RLF: variants seen among roughly 807,000 people sequenced by gnomAD.
The protein encoded by RLF is zinc finger protein Rlf.
Under a neutral mutation model 162.9 loss-of-function variants are expected in RLF, and 7 were observed. The observed-to-expected ratio is 0.04, with a 90% confidence interval of 0.02 to 0.08. The LOEUF (loss-of-function observed/expected upper bound fraction) is 0.08. Among genes scored for constraint, RLF ranks in the 10% least tolerant of loss-of-function variants. The probability of loss-of-function intolerance (pLI) is 1.00; values close to 1 mark genes in which losing one functional copy is unlikely to be tolerated. For synonymous variants in RLF, 782 were observed against 791.5 expected (o/e 0.99, Z 0.20); for missense variants, 1,664 against 2,244.7 (o/e 0.74, Z 5.23).
At chr1:40,166,099 A>G (rs1031763058) in intron 1 of RLF, among the ~76,000 whole-genome samples, 8 of 152,216 alleles carry the variant, frequency 5.3e-5, no homozygotes, top group African/African-American at 1.4e-4. Flanking sequence ...TGGTGCCTAC[A>G]TAATTTGTTT....
chr1:40,206,737 C>T (rs1259542312), intron 5 of RLF, among the ~76,000 whole-genome samples: 2 of 152,182 alleles, frequency 1.3e-5, no homozygotes, highest in African/African-American at 4.8e-5. Flanking sequence ...TCTCCAGCCG[C>T]CTTGTCTTTG....
intron 2 of RLF, 138 bp downstream of exon 2, chr1:40,189,347 T>C (rs1642526457): frequency 3.0e-6 from 2 of 661,688 alleles, no homozygotes; most frequent in Admixed American, 6.3e-5. Context: ...ATTTCCTTCC[T>C]ACTCACGTTC....
intron 4 of RLF, among the ~76,000 whole-genome samples, chr1:40,196,377 A>G (rs886335865): frequency 3.3e-5 from 5 of 151,860 alleles, no homozygotes; most frequent in African/African-American, 1.2e-4. Flanking sequence ...CGGTCTGCTT[A>G]TACCTTTTTT....
In RLF at chr1:40,238,008, C is replaced by T. The variant is rs1222157178; in HGVS notation, c.3306C>T (p.Ile1102=). ...GAKSLQSVSS[I]SDLNFQNQDE... is the part of the protein sequence containing the mutation. ...AGTCTCTTCAGTCAGTTTCATCTATCTCAGACCTTAATTTTCAGAATCAAG... is the reference window on the plus strand; with the variant it reads ...AGTCTCTTCAGTCAGTTTCATCTATTTCAGACCTTAATTTTCAGAATCAAG... The change falls in exon 8 of 8, where the codon ATC becomes ATT. Residue 1102 remains isoleucine, a synonymous_variant. Transcript: ENST00000372771. The surrounding 1 kb of genome is among the most constrained non-coding windows in gnomAD (Gnocchi z 5.2). 2 of 1,614,024 alleles carry T rather than the reference C, an allele frequency of 1.2e-6. No homozygotes were observed. The highest frequency in any genetic ancestry group is 2.7e-5 in the African/African-American group (2 of 74,928).
chr1:40,237,634 G>T lies in RLF; in HGVS notation c.2932G>T (p.Val978Phe). 6.2e-7 allele frequency: 1 copy of T among 1,614,094 alleles called. No individual in the cohort carries two copies. Among genetic ancestry groups the T allele is most frequent in the Non-Finnish European group, 8.5e-7 (1 of 1,179,984 alleles). ...AGGAATGCAGAAACATTTACGGAAGGTTCATCCATACCATTTCAAGCCCAA... is the reference window on the plus strand; with the variant it reads ...AGGAATGCAGAAACATTTACGGAAGTTTCATCCATACCATTTCAAGCCCAA... ...ARGMQKHLRK[V>F]HPYHFKPKKI... is the part of the protein sequence containing the mutation. Residue 978 changes from valine (V) to phenylalanine (F), a missense_variant, in exon 8 of 8, where the codon GTT becomes TTT. Transcript: ENST00000372771. This position sits in a 1 kb window ranked among gnomAD's most constrained non-coding sequence, Gnocchi z 4.4.
chr1:40,225,369 A>G (rs959739859), intron 6 of RLF, among the ~76,000 whole-genome samples: 2 of 151,940 alleles, frequency 1.3e-5, no homozygotes, highest in Non-Finnish European at 2.9e-5. Context: ...ATTTGAGGTC[A>G]GGAGTTCGAG....
intron 1 of RLF, among the ~76,000 whole-genome samples, chr1:40,182,044 G>T (rs978282498): frequency 6.6e-6 from 1 of 152,096 alleles, no homozygotes; most frequent in African/African-American, 2.4e-5. Context: ...ACAAAGTTGT[G>T]CAGCCATAAA....
At chr1:40,183,456 T>C (rs1165499547) in intron 1 of RLF, among the ~76,000 whole-genome samples, 1 of 152,122 alleles carries the variant, frequency 6.6e-6, no homozygotes, top group Non-Finnish European at 1.5e-5. Flanking sequence ...TTGAAAACAT[T>C]CCCCAGAAGC....
chr1:40,173,575 A>G (rs556474891), intron 1 of RLF, among the ~76,000 whole-genome samples: 2 of 149,312 alleles, frequency 1.3e-5, no homozygotes, highest in African/African-American at 5.0e-5. Flanking sequence ...GTGCAGTGTT[A>G]CAATCTCAGC....
At chr1:40,188,979 A>C in intron 1 of RLF, 76 bp from the exon 2 acceptor site, 1 of 966,430 alleles carries the variant, frequency 1.0e-6, no homozygotes, top group Non-Finnish European at 1.5e-6. Context: ...TGGGAGAGCT[A>C]TGTGGTGTGT....
chr1:40,195,900 A>G (rs1456550501), intron 4 of RLF, 136 bp downstream of exon 4: 5 of 722,330 alleles, frequency 6.9e-6, no homozygotes, highest in East Asian at 5.6e-5. Context: ...AAAATTAACT[A>G]TTAGCATTTA....
intron 5 of RLF, among the ~76,000 whole-genome samples, chr1:40,216,640 T>G (rs1282129936): frequency 6.6e-6 from 1 of 152,158 alleles, no homozygotes. Flanking sequence ...ACGGAAGAAT[T>G]AATACCAGTC....
rs564987344 is a variant in RLF at position 40,197,177 on chromosome 1, C to T, written c.607+1413C>T. Among the ~76,000 whole-genome samples the T allele has an allele frequency of 5.9e-5, 9 of 152,262 alleles. No homozygotes were observed. The South Asian group carries it at 1.9e-3, about 32-fold the overall frequency. ...ATGGGCATAAAGGCACTTAGATTTT[C>T]TCTTGATCCGTTTCCTCTGATCATT... On this transcript the variant is annotated intron_variant, in intron 4 of 7. Coordinates refer to ENST00000372771, the MANE Select transcript of RLF (RefSeq NM_012421.4).
Position 40,163,160 on chromosome 1 carries a change from A to G in RLF, c.237+1524A>G, listed in dbSNP as rs188104046. On this transcript the variant is annotated intron_variant, in intron 1 of 7. Transcript: ENST00000372771. Reference sequence around the variant, plus strand: ...TAATTATAAATTGTAGTATGTGCTTAGAAAGAAGTAACTGGGAGAGGCCAC... The same window carrying G: ...TAATTATAAATTGTAGTATGTGCTTGGAAAGAAGTAACTGGGAGAGGCCAC... Among the ~76,000 whole-genome samples, 423 of 152,350 alleles carry G rather than the reference A, an allele frequency of 2.8e-3. 1 individual carries two copies. Among genetic ancestry groups the G allele is most frequent in the Non-Finnish European group, 4.6e-3 (311 of 68,024 alleles).
At position 40,202,595 on chromosome 1, in the gene RLF, A is replaced by G; in HGVS notation, c.791A>G (p.Asn264Ser). The change falls in exon 5 of 8, where the codon AAT (asparagine) becomes AGT (serine). Residue 264 changes from asparagine to serine, a missense_variant. Coordinates refer to ENST00000372771, the MANE Select transcript of RLF (RefSeq NM_012421.4). ...ACATGTTTATGTTCTATGCTCCCTA[A>G]TGAAGATGCTATTAAGGAGGTGAGT... ...YITCLCSMLP[N>S]EDAIKEIAKV... is the part of the protein sequence containing the mutation. 2 of 1,534,958 alleles carry G rather than the reference A, an allele frequency of 1.3e-6. No individual in the cohort carries two copies. Among genetic ancestry groups the G allele is most frequent in the Non-Finnish European group, 1.7e-6 (2 of 1,151,758 alleles).
chr1:40,200,562 A>G (rs548375364), intron 4 of RLF, among the ~76,000 whole-genome samples: 1 of 152,230 alleles, frequency 6.6e-6, no homozygotes, highest in South Asian at 2.1e-4. Context: ...CAGATGATAG[A>G]ATAACCTGTA....
chr1:40,176,647 T>C (rs1282926413), intron 1 of RLF, among the ~76,000 whole-genome samples: 1 of 152,158 alleles, frequency 6.6e-6, no homozygotes, highest in East Asian at 1.9e-4. Context: ...TTTGCCACAT[T>C]GCCCAGATTG....
Position 40,237,581 on chromosome 1 carries a change from G to T in RLF, c.2879G>T (p.Gly960Val). The change falls in exon 8 of 8, where the codon GGC (glycine) becomes GTC (valine). Residue 960 changes from glycine (G) to valine (V), a missense_variant. Around this residue, in one of 15 missense-constraint regions of RLF, gnomAD observed 295 missense variants for 317.4 expected, o/e 0.93. Transcript: ENST00000372771. This position sits in a 1 kb window ranked among gnomAD's most constrained non-coding sequence, Gnocchi z 4.4. ...DGTKFTCGFD[G>V]CGSTYKNARG... ...ACTAAGTTTACCTGTGGTTTTGATG[G>T]CTGTGGTTCCACATACAAAAATGCA... is the stretch of plus-strand genomic sequence containing the variant. The T allele has an allele frequency of 6.2e-7, 1 of 1,614,108 alleles. No homozygotes were observed. Among genetic ancestry groups the T allele is most frequent in the Non-Finnish European group, 8.5e-7 (1 of 1,179,984 alleles).
intron 1 of RLF, among the ~76,000 whole-genome samples, chr1:40,171,309 G>A (rs774209746): frequency 9.9e-5 from 15 of 152,152 alleles, no homozygotes; most frequent in East Asian, 1.9e-4. Flanking sequence ...GATTAGAGGC[G>A]TGAGCCACCA....
Sources: allele counts gnomAD v4.1 joint callset (sites outside exome capture counted in the v4.1 genomes callset), GRCh38; gene constraint gnomAD v4.1.1; regional missense constraint gnomAD v4.1.1; non-coding constraint Gnocchi (gnomAD v3.1); transcripts MANE v1.5; gene names NCBI Gene and HGNC (gene_info 2026-07-23, HGNC 2026-07-21).